Variants in BCL11A observed in about 807,000 individuals in gnomAD.
BCL11A encodes B cell CLL/lymphoma 11A.
Under a neutral mutation model 55.9 loss-of-function variants are expected in BCL11A, and 2 were observed. The ratio of observed to expected loss-of-function variants is 0.04; its 90% CI spans 0.01 to 0.11. The LOEUF (loss-of-function observed/expected upper bound fraction) is 0.11, where lower values mean the gene tolerates loss of function less well. Among genes scored for constraint, BCL11A ranks in the 10% least tolerant of loss-of-function variants. BCL11A has a pLI of 1.00. For synonymous variants in BCL11A, 465 were observed against 473.4 expected, an observed-to-expected ratio of 0.98 and a Z score of 0.23; for missense variants, 817 against 1,137.1, an observed-to-expected ratio of 0.72 and a Z score of 4.05.
downstream of BCL11A, among the ~76,000 whole-genome samples, chr2:60,455,574 A>T (rs1675903683): frequency 6.6e-6 from 1 of 152,216 alleles, no homozygotes; most frequent in South Asian, 2.1e-4. Flanking sequence ...TTATCACCAG[A>T]TGTTTGCACT....
chr2:60,489,465 A>G (rs1315142393), intron 2 of BCL11A, among the ~76,000 whole-genome samples: 1 of 152,230 alleles, frequency 6.6e-6, no homozygotes, highest in Non-Finnish European at 1.5e-5. Flanking sequence ...CCTGCGTGCC[A>G]TTAAAATAGC....
rs953499020 is a variant in BCL11A at position 60,550,944 on chromosome 2, G to A, written c.55+2272C>T. The stretch of plus-strand genomic sequence containing the variant: ...GGCGCGGCCGGGGGAGTTGGGGGCG[G>A]GGGAGAGCGGCGAGGGAGGGATGCG... On this transcript the variant is annotated intron_variant, in intron 1 of 3. Transcript: ENST00000642384. 1.3e-5 allele frequency: 5 copies of A among 398,028 alleles called. No homozygotes were observed. The Admixed American group carries it at 1.3e-4, about 11-fold the overall frequency. 24.7% of individuals were successfully genotyped at this position (398,028 alleles called of 1,614,324 possible).
At chr2:60,492,613 TCC>T (rs1678702031) in intron 2 of BCL11A, among the ~76,000 whole-genome samples, 5 of 138,034 alleles carry the variant, frequency 3.6e-5, no homozygotes, top group Non-Finnish European at 8.0e-5. Context: ...TCAGTGGGCC[TCC>T]CTCTCTCTCT....
At chr2:60,539,380 C>T (rs1669818496) in intron 2 of BCL11A, among the ~76,000 whole-genome samples, 1 of 152,214 alleles carries the variant, frequency 6.6e-6, no homozygotes, top group African/African-American at 2.4e-5. Context: ...GCCTCAAATC[C>T]TTCCCTTGCC....
rs1676981700 is a variant in BCL11A at position 60,468,093 on chromosome 2, T to C, written c.487+639A>G. ...GTGGTAGTGATGGTGGTGGTTGTGG[T>C]GGTGGTGGTGATGGTGGCAGTGGTG... On this transcript the variant is annotated intron_variant, in intron 3 of 3. Coordinates refer to ENST00000642384, the MANE Select transcript of BCL11A (RefSeq NM_022893.4). Among the ~76,000 whole-genome samples, 7 of 148,222 alleles carry C rather than the reference T, an allele frequency of 4.7e-5. No individual in the cohort carries two copies. The South Asian group carries it at 1.5e-3, about 32-fold the overall frequency.
chr2:60,530,691 A>AAAAAGG (rs900731152), intron 2 of BCL11A, among the ~76,000 whole-genome samples: 1 of 151,402 alleles, frequency 6.6e-6, no homozygotes, highest in African/African-American at 2.4e-5. Flanking sequence ...AGAAAGAAAG[A>AAAAAGG]AAAAGGAAAA....
intron 2 of BCL11A, among the ~76,000 whole-genome samples, chr2:60,514,594 G>C (rs1262220749): frequency 1.3e-5 from 2 of 151,708 alleles, no homozygotes; most frequent in African/African-American, 4.8e-5. Flanking sequence ...CTTGAACCTG[G>C]GAGGCGGAGG....
chr2:60,546,242 A>C lies in BCL11A; in HGVS notation c.114T>G (p.Ala38=), dbSNP rs1670147410. ...TGAGGAGGTCATGATCCCCTTCTGG[A>C]GCTCCCAACGGGCCGTGGTCTGGTT... ...DDEPDHGPLG[A]PEGDHDLLTC... The change falls in exon 2 of 4, where the codon GCT becomes GCG. Residue 38 remains alanine (A), a synonymous_variant. Transcript: ENST00000642384. The surrounding 1 kb of genome is among the most constrained non-coding windows in gnomAD (Gnocchi z 4.1). 2 of 1,614,176 alleles carry C rather than the reference A, an allele frequency of 1.2e-6. No individual in the cohort carries two copies. Among genetic ancestry groups the C allele is most frequent in the African/African-American group, 2.7e-5 (2 of 75,040 alleles).
At chr2:60,498,782 C>A (rs927088722) in intron 2 of BCL11A, among the ~76,000 whole-genome samples, 2 of 152,204 alleles carry the variant, frequency 1.3e-5, no homozygotes, top group Non-Finnish European at 2.9e-5. Context: ...TGCCAGTTCT[C>A]TGAGGAGCTA....
chr2:60,452,617 C>T (rs2103743828), downstream of BCL11A: 8 of 1,613,920 alleles, frequency 5.0e-6, no homozygotes, highest in Non-Finnish European at 6.8e-6. Flanking sequence ...AAAACTGCCA[C>T]ACATCTTGAG....
intron 3 of BCL11A, among the ~76,000 whole-genome samples, chr2:60,463,350 C>G (rs1192725554): frequency 6.6e-6 from 1 of 152,238 alleles, no homozygotes; most frequent in Non-Finnish European, 1.5e-5. Context: ...AGCGCCATGA[C>G]AGGCAGCAGG....
chr2:60,452,358 A>G (rs892411909), downstream of BCL11A: 9 of 496,548 alleles, frequency 1.8e-5, no homozygotes, highest in African/African-American at 5.7e-5. Flanking sequence ...CACTGTTCCA[A>G]TGTGGGTCTG....
intron 3 of BCL11A, among the ~76,000 whole-genome samples, chr2:60,465,369 T>A: frequency 6.6e-6 from 1 of 152,234 alleles, no homozygotes; most frequent in East Asian, 1.9e-4. Flanking sequence ...ACTTCTCAAT[T>A]TGAGAGCCTC....
chr2:60,492,231 G>A (rs541738462), intron 2 of BCL11A, among the ~76,000 whole-genome samples: 2 of 152,236 alleles, frequency 1.3e-5, no homozygotes, highest in South Asian at 4.1e-4. Context: ...GCCAGGCATG[G>A]TGGCATGCAC....
chr2:60,528,883 T>C (rs916216883), intron 2 of BCL11A, among the ~76,000 whole-genome samples: 1 of 152,210 alleles, frequency 6.6e-6, no homozygotes, highest in East Asian at 1.9e-4. Context: ...CATTTACTTC[T>C]CACATGGACT....
intron 2 of BCL11A, among the ~76,000 whole-genome samples, chr2:60,504,805 T>A (rs1335335532): frequency 6.6e-6 from 1 of 152,130 alleles, no homozygotes; most frequent in Admixed American, 6.6e-5. Flanking sequence ...TCCCTGAAAA[T>A]GCTTAAAAGA....
intron 2 of BCL11A, among the ~76,000 whole-genome samples, chr2:60,518,879 C>T (rs1043755793): frequency 5.9e-5 from 9 of 152,202 alleles, no homozygotes; most frequent in African/African-American, 1.9e-4. Context: ...CAGTCGTTCA[C>T]CACCAGCCGT....
In BCL11A at chr2:60,462,081, G is replaced by A. The variant is rs1676343694; in HGVS notation, c.831C>T (p.His277=). 6.4e-7 allele frequency: 1 copy of A among 1,574,166 alleles called. No individual in the cohort carries two copies. Among genetic ancestry groups the A allele is most frequent in the African/African-American group, 1.4e-5 (1 of 73,660 alleles). ...CTTCCGCCCCCAGGCGCTCTATGCGGTGGGGGTCCAAGTGATGTCTCGGTG... is the reference window on the plus strand; with the variant it reads ...CTTCCGCCCCCAGGCGCTCTATGCGATGGGGGTCCAAGTGATGTCTCGGTG... ...SPPPRHHLDP[H]RIERLGAEEM... The change falls in exon 4 of 4, where the codon CAC becomes CAT. Residue 277 remains histidine (H), a synonymous_variant. Transcript: ENST00000642384.
intron 2 of BCL11A, among the ~76,000 whole-genome samples, chr2:60,493,191 C>A (rs1291321034): frequency 6.6e-6 from 1 of 152,138 alleles, no homozygotes; most frequent in Non-Finnish European, 1.5e-5. Context: ...GAGTTGTATT[C>A]CACCATAGGG....
Sources: gnomAD v4.1 joint callset for allele counts (sites outside exome capture counted in the v4.1 genomes callset) on GRCh38, gnomAD v4.1.1 for gene constraint, Gnocchi (gnomAD v3.1) non-coding constraint, MANE v1.5 for transcripts, NCBI Gene and HGNC (gene_info 2026-07-23, HGNC 2026-07-21) for gene names.